The following SCUBE1 variants were observed in gnomAD, a reference collection of about 807,000 sequenced individuals.
SCUBE1 encodes the protein signal peptide, CUB domain and EGF like domain containing 1, also known as signal peptide, CUB and EGF-like domain-containing protein 1.
SCUBE1 carries 59 observed loss-of-function variants against 124.4 expected under a neutral mutation model. The ratio of observed to expected loss-of-function variants is 0.47; its 90% CI spans 0.38 to 0.59. SCUBE1 has a LOEUF of 0.59. Among genes scored for constraint, SCUBE1 ranks in the 20% least tolerant of loss-of-function variants. SCUBE1 has a pLI of 0.00. For synonymous variants in SCUBE1, 545 were observed against 550.9 expected, an observed-to-expected ratio of 0.99 and a Z score of 0.15; for missense variants, 1,150 against 1,371.2, an observed-to-expected ratio of 0.84 and a Z score of 2.55.
intron 13 of SCUBE1, among the ~76,000 whole-genome samples, chr22:43,220,958 G>A (rs558085154): frequency 6.6e-6 from 1 of 152,306 alleles, no homozygotes; most frequent in East Asian, 1.9e-4. Context: ...CAGAGCTGGT[G>A]CCTTCCTCCG....
At chr22:43,227,224 C>T in intron 10 of SCUBE1, 150 bp downstream of exon 10, 3 of 939,038 alleles carry the variant, frequency 3.2e-6, no homozygotes, top group South Asian at 3.4e-5. Context: ...ATCAGCCATA[C>T]CCCAACAGCA....
intron 3 of SCUBE1, among the ~76,000 whole-genome samples, chr22:43,293,097 G>A (rs769632420): frequency 6.6e-6 from 1 of 152,206 alleles, no homozygotes; most frequent in Admixed American, 6.5e-5. Flanking sequence ...TAGGGGTGGC[G>A]AGTGGTCGCC....
chr22:43,199,097 T>C lies in SCUBE1; in HGVS notation c.*4900A>G, dbSNP rs1174434533. ...CGGGGCAGTTTGTTTGTCTGTCTGC[T>C]GTCTGGGGCAGTTTGTCATCTGTGC... On this transcript the variant is annotated 3_prime_UTR_variant, in exon 22 of 22. Coordinates refer to ENST00000360835, the MANE Select transcript of SCUBE1 (RefSeq NM_173050.5). The C allele has an allele frequency of 5.9e-6, 2 of 338,340 alleles. No individual in the cohort carries two copies. Among genetic ancestry groups the C allele is most frequent in the Non-Finnish European group, 1.2e-5 (2 of 173,046 alleles). The allele number at this position is 338,340 out of a possible 1,614,324, so 21.0% of individuals were successfully genotyped here.
rs553342281 is a variant in SCUBE1, at chr22:43,200,161, C to T, written c.*3836G>A. ...GGTGCCATGCTCCATTAGGAGCTGA[C>T]CCAAGCTCAGAGGAGCCTGGAGACC... On this transcript the variant is annotated 3_prime_UTR_variant, in exon 22 of 22. Coordinates refer to ENST00000360835, the MANE Select transcript of SCUBE1 (RefSeq NM_173050.5). 5 of 152,388 alleles carry T rather than the reference C, an allele frequency of 3.3e-5. No individual in the cohort carries two copies. Among genetic ancestry groups the T allele is most frequent in the African/African-American group, 9.6e-5 (4 of 41,588 alleles). The allele number at this position is 152,388 out of a possible 1,614,324, so 9.4% of individuals were successfully genotyped here.
At chr22:43,281,460 C>T (rs796991174) in intron 4 of SCUBE1, among the ~76,000 whole-genome samples, 1,592 of 62,880 alleles carry the variant, frequency 0.025, 137 homozygotes, top group Admixed American at 0.13. Context: ...TCATCTCCCT[C>T]AGCCACCCTC....
At chr22:43,256,556 TG>T (rs1923667839) in intron 6 of SCUBE1, among the ~76,000 whole-genome samples, 1 of 151,876 alleles carries the variant, frequency 6.6e-6, no homozygotes, top group Admixed American at 6.6e-5. Context: ...AAGGTGGGGC[TG>T]GGGAAGTTAA....
rs1262657959 is a variant in SCUBE1, at chr22:43,203,297, T to TA, written c.*699_*700insT. 6.6e-6 allele frequency: 1 copy of TA among 151,664 alleles called. No homozygotes were observed. The highest frequency in any genetic ancestry group is 2.4e-5 in the African/African-American group (1 of 41,290). 9.4% of individuals were successfully genotyped at this position (151,664 alleles called of 1,614,324 possible). A position where few individuals can be genotyped will look rare whatever the true frequency, so the allele number is the denominator to read the frequency against. On this transcript the variant is annotated 3_prime_UTR_variant, in exon 22 of 22. Transcript: ENST00000360835. ...CTCACTGGGCTCATGCGGGAAGGGA[T>TA]GGGGTCACAATTCATATTTACAGTG...
At position 43,262,702 on chromosome 22, in the gene SCUBE1, T is replaced by C. The variant is rs1313692086; in HGVS notation, c.610+18A>G. The C allele has an allele frequency of 6.2e-7, 1 of 1,612,232 alleles. No individual in the cohort carries two copies. Among genetic ancestry groups the C allele is most frequent in the Non-Finnish European group, 8.5e-7 (1 of 1,178,616 alleles). ...GAGACGCACGGGACGTTTGACCCATTTGTCTCCCTCTACCTACGTGTGCAG... is the reference window on the plus strand; with the variant it reads ...GAGACGCACGGGACGTTTGACCCATCTGTCTCCCTCTACCTACGTGTGCAG... On this transcript the variant is annotated intron_variant, in intron 5 of 21. Coordinates refer to ENST00000360835, the MANE Select transcript of SCUBE1 (RefSeq NM_173050.5).
intron 3 of SCUBE1, among the ~76,000 whole-genome samples, chr22:43,313,616 T>G (rs960998574): frequency 1.3e-5 from 2 of 152,344 alleles, no homozygotes; most frequent in Admixed American, 1.3e-4. Context: ...AAGCAGCCAT[T>G]TGGGGTTGAG....
chr22:43,227,649 G>A (rs113754190), intron 9 of SCUBE1, among the ~76,000 whole-genome samples, 153 bp from the exon 10 acceptor site: 2 of 152,202 alleles, frequency 1.3e-5, no homozygotes, highest in African/African-American at 2.4e-5. Flanking sequence ...CACGCCACAC[G>A]CACACACACG....
intron 2 of SCUBE1, among the ~76,000 whole-genome samples, chr22:43,337,409 T>C (rs1188896793): frequency 6.6e-6 from 1 of 152,198 alleles, no homozygotes; most frequent in African/African-American, 2.4e-5. Flanking sequence ...TGGCCCCGCC[T>C]TTCCGGGACA....
intron 15 of SCUBE1, 135 bp downstream of exon 15, chr22:43,218,120 T>A (rs1469233804): frequency 1.3e-6 from 1 of 792,620 alleles, no homozygotes; most frequent in Non-Finnish European, 2.1e-6. Context: ...GCAGTCCTTC[T>A]CCCCGGCAGG....
chr22:43,206,183 C>T (rs1013515958), intron 21 of SCUBE1, among the ~76,000 whole-genome samples: 2 of 142,894 alleles, frequency 1.4e-5, no homozygotes, highest in African/African-American at 5.2e-5. Context: ...ACACCCACCA[C>T]ACCCCCACTC....
rs1923753481 is a variant in SCUBE1, at chr22:43,258,525, A to T, written c.611-190T>A. 6.6e-6 allele frequency among the ~76,000 whole-genome samples: 1 copy of T among 152,042 alleles called. No individual in the cohort carries two copies. The highest frequency in any genetic ancestry group is 1.5e-5 in the Non-Finnish European group (1 of 67,984). ...ACTTCAGCCCCTCCAGGGACCCTGGAGTCACTCACTCCCTAGAGCTGAACG... is the reference window on the plus strand; with the variant it reads ...ACTTCAGCCCCTCCAGGGACCCTGGTGTCACTCACTCCCTAGAGCTGAACG... On this transcript the variant is annotated intron_variant, in intron 5 of 21. Transcript: ENST00000360835. This position sits in a 1 kb window ranked among gnomAD's most constrained non-coding sequence, Gnocchi z 5.0.
intron 1 of SCUBE1, 80 bp downstream of exon 1, chr22:43,343,094 G>A (rs932238701): frequency 3.1e-6 from 2 of 654,500 alleles, no homozygotes; most frequent in Non-Finnish European, 4.0e-6. Context: ...GGGATCCGCG[G>A]GGAAGAAGCC....
At chr22:43,241,991 C>T (rs1431708905) in intron 6 of SCUBE1, among the ~76,000 whole-genome samples, 1 of 152,274 alleles carries the variant, frequency 6.6e-6, no homozygotes, top group African/African-American at 2.4e-5. Context: ...GGGGCTCCAT[C>T]CCTCCTCTAC....
intron 4 of SCUBE1, among the ~76,000 whole-genome samples, chr22:43,287,950 G>T (rs758068558): frequency 6.6e-6 from 1 of 152,182 alleles, no homozygotes; most frequent in Admixed American, 6.5e-5. Flanking sequence ...TTAATGGGCC[G>T]CTGACCACTG....
chr22:43,278,813 T>C (rs1924640865), intron 4 of SCUBE1, among the ~76,000 whole-genome samples: 1 of 152,136 alleles, frequency 6.6e-6, no homozygotes. Flanking sequence ...CCAAAGCATG[T>C]CACAGGGTGG....
intron 1 of SCUBE1, among the ~76,000 whole-genome samples, chr22:43,339,752 C>T (rs1927229650): frequency 9.3e-6 from 1 of 107,676 alleles, no homozygotes; most frequent in African/African-American, 3.3e-5. Context: ...TAGCTCCAAC[C>T]CTCCCCCCAC....
Sources: gnomAD v4.1 joint callset for allele counts (sites outside exome capture counted in the v4.1 genomes callset) on GRCh38, gnomAD v4.1.1 for gene constraint, Gnocchi (gnomAD v3.1) non-coding constraint, MANE v1.5 for transcripts, NCBI Gene and HGNC (gene_info 2026-07-23, HGNC 2026-07-21) for gene names.